CCDC181: variants seen among roughly 807,000 people sequenced by gnomAD.
CCDC181 encodes the protein coiled-coil domain containing 181.
Under a neutral mutation model 58.7 loss-of-function variants are expected in CCDC181, and 35 were observed. The observed-to-expected ratio is 0.60, with a 90% CI of 0.46 to 0.79. The LOEUF (loss-of-function observed/expected upper bound fraction) is 0.79, where lower values mean the gene tolerates loss of function less well. Among genes scored for constraint, CCDC181 ranks in the 30% least tolerant of loss-of-function variants. CCDC181 has a pLI of 0.00. For synonymous variants in CCDC181, 183 were observed against 197.5 expected (o/e 0.93, Z 0.62); for missense variants, 517 against 583.9 (o/e 0.89, Z 1.18).
chr1:169,418,940 C>A (rs1333835566), intron 4 of CCDC181, 73 bp downstream of exon 4: 6 of 1,251,836 alleles, frequency 4.8e-6, no homozygotes, highest in Non-Finnish European at 5.8e-6. Flanking sequence ...AGTCTGATAT[C>A]CAGACTCCCT....
At position 169,397,937 on chromosome 1, in the gene CCDC181, G is replaced by T. The variant is rs1404181047; in HGVS notation, c.1216-546C>A. Among the ~76,000 whole-genome samples the T allele has an allele frequency of 2.0e-5, 3 of 152,132 alleles. No homozygotes were observed. In the East Asian group the frequency reaches 5.8e-4, roughly 29 times the overall value. On this transcript the variant is annotated intron_variant, in intron 4 of 5. Coordinates refer to ENST00000367806, the MANE Select transcript of CCDC181 (RefSeq NM_001300969.2). ...AATACTTCCCCCAAATATAAGCTTTGTGATTGAGCTTATATCTTGCATTTC... is the reference window on the plus strand; with the variant it reads ...AATACTTCCCCCAAATATAAGCTTTTTGATTGAGCTTATATCTTGCATTTC...
chr1:169,458,416 T>A (rs1042215211), intron 2 of CCDC181, among the ~76,000 whole-genome samples: 6 of 152,146 alleles, frequency 3.9e-5, no homozygotes, highest in African/African-American at 1.2e-4. Context: ...TCTGTTTTTT[T>A]AAATGTTTAC....
At chr1:169,436,932 A>C (rs147284566) in intron 2 of CCDC181, among the ~76,000 whole-genome samples, 1 of 152,226 alleles carries the variant, frequency 6.6e-6, no homozygotes, top group East Asian at 1.9e-4. Context: ...TGGAGGAATT[A>C]ATTAGGAGGA....
At chr1:169,418,744 T>C (rs969327321) in intron 4 of CCDC181, 1 of 472,282 alleles carries the variant, frequency 2.1e-6, no homozygotes, top group Non-Finnish European at 3.7e-6. Context: ...CCTGTTTGAA[T>C]AACAAAGTTA....
Position 169,421,511 on chromosome 1 carries a change from T to C in CCDC181, c.920A>G (p.Asn307Ser), listed in dbSNP as rs199621950. 1.7e-5 allele frequency: 28 copies of C among 1,614,098 alleles called. No homozygotes were observed. In the Admixed American group the frequency reaches 3.2e-4, roughly 18 times the overall value. ...NRKTCPSSAV[N>S]SDRSKGNGKS... ...CCCATTCCCTTTACTTCGATCTGAGTTGACAGCAGAGCTTGGACAAGTCTT... is the reference window on the plus strand; with the variant it reads ...CCCATTCCCTTTACTTCGATCTGAGCTGACAGCAGAGCTTGGACAAGTCTT... Residue 307 changes from asparagine (N) to serine (S), a missense_variant, in exon 3 of 6, where the codon AAC (asparagine) becomes AGC (serine). Coordinates refer to ENST00000367806, the MANE Select transcript of CCDC181 (RefSeq NM_001300969.2).
intron 2 of CCDC181, among the ~76,000 whole-genome samples, chr1:169,452,020 A>G (rs1404816156): frequency 2.4e-4 from 37 of 152,084 alleles, no homozygotes; most frequent in Admixed American, 2.4e-3. Flanking sequence ...AGCACTAGAT[A>G]TATATAAATT....
chr1:169,424,244 A>T (rs1346196287), intron 2 of CCDC181, among the ~76,000 whole-genome samples: 2 of 151,952 alleles, frequency 1.3e-5, no homozygotes, highest in Non-Finnish European at 2.9e-5. Flanking sequence ...TCCTTTCTTC[A>T]TCTCTGATAA....
At chr1:169,426,147 C>T (rs1252431561) in intron 1 of CCDC181, among the ~76,000 whole-genome samples, 2 of 151,904 alleles carry the variant, frequency 1.3e-5, no homozygotes, top group East Asian at 1.9e-4. Context: ...AACTTAAAAA[C>T]AAAAAAACAC....
At chr1:169,440,308 G>C (rs1324727088) in intron 2 of CCDC181, among the ~76,000 whole-genome samples, 1 of 152,172 alleles carries the variant, frequency 6.6e-6, no homozygotes, top group African/African-American at 2.4e-5. Flanking sequence ...TAGCAACAAG[G>C]GCAATCCCAG....
chr1:169,448,438 T>G (rs12402774), intron 2 of CCDC181, among the ~76,000 whole-genome samples: 12,841 of 152,180 alleles, frequency 0.084, 739 homozygotes, highest in Admixed American at 0.19. Context: ...TGAGAGATAA[T>G]TTCACTGGAT....
chr1:169,456,244 C>G (rs1657672722), intron 2 of CCDC181, among the ~76,000 whole-genome samples: 1 of 152,150 alleles, frequency 6.6e-6, no homozygotes, highest in African/African-American at 2.4e-5. Flanking sequence ...TCTCACTTAG[C>G]TAATGTGATC....
chr1:169,458,174 TG>T (rs771987288), intron 2 of CCDC181, among the ~76,000 whole-genome samples: 2,761 of 123,082 alleles, frequency 0.022, 50 homozygotes, highest in East Asian at 0.18. Flanking sequence ...AAGTAATTTT[TG>T]TTTTTTTTTT....
At chr1:169,421,245 TA>T (rs1361971974) in intron 3 of CCDC181, 117 bp downstream of exon 3, 2 of 723,534 alleles carry the variant, frequency 2.8e-6, no homozygotes, top group Non-Finnish European at 4.4e-6. Flanking sequence ...TAACAATAGA[TA>T]AATAAAGCAA....
In CCDC181 at chr1:169,441,464, A is replaced by C. The variant is rs1657227132; in HGVS notation, c.-23-16514T>G. 1.3e-5 allele frequency among the ~76,000 whole-genome samples: 2 copies of C among 152,096 alleles called. 1 individual carries two copies. The highest frequency in any genetic ancestry group is 3.9e-4 in the East Asian group (2 of 5,194). On this transcript the variant is annotated intron_variant, in intron 2 of 6. Coordinates refer to the CCDC181 transcript ENST00000545005. The stretch of plus-strand genomic sequence containing the variant: ...TAGGTGAGGAAGGAATGATGAGGGG[A>C]TGTTAATGACATACTTTGCAATTTT...
chr1:169,440,547 A>G (rs1023190947), intron 2 of CCDC181, among the ~76,000 whole-genome samples: 1 of 152,216 alleles, frequency 6.6e-6, no homozygotes, highest in Non-Finnish European at 1.5e-5. Flanking sequence ...TAGAGATGAT[A>G]GCATTTGCCA....
intron 2 of CCDC181, among the ~76,000 whole-genome samples, chr1:169,440,945 A>AAAAAAAAAAAAAAAAAAAAAT: frequency 6.7e-6 from 1 of 148,370 alleles, no homozygotes; most frequent in Non-Finnish European, 1.5e-5. Flanking sequence ...AAAAAAAAAA[A>AAAAAAAAAAAAAAAAAAAAAT]GGCAAGATGA....
intron 4 of CCDC181, among the ~76,000 whole-genome samples, chr1:169,415,780 G>T (rs1368869281): frequency 6.6e-6 from 1 of 152,060 alleles, no homozygotes; most frequent in African/African-American, 2.4e-5. Context: ...AAGAGCCATT[G>T]AACATCCACC....
rs1206412215 is a variant in CCDC181 at position 169,421,583 on chromosome 1, G to A, written c.848C>T (p.Ser283Leu). Residue 283 changes from serine to leucine, a missense_variant, in exon 3 of 6, where the codon TCA (serine) becomes TTA (leucine). Transcript: ENST00000367806. ...TAKIHAVTHSSTGEPLAYIAQ... is the reference protein window; with the variant it reads ...TAKIHAVTHSLTGEPLAYIAQ... ...GATATAAGCCAGCGGCTCTCCTGTT[G>A]ATGAGTGAGTGACAGCATGAATCTT... 3.5e-5 allele frequency: 56 copies of A among 1,614,056 alleles called. No individual in the cohort carries two copies. Among genetic ancestry groups the A allele is most frequent in the Non-Finnish European group, 4.6e-5 (54 of 1,180,028 alleles).
intron 4 of CCDC181, among the ~76,000 whole-genome samples, chr1:169,399,384 T>A (rs1447008633): frequency 3.3e-5 from 5 of 152,218 alleles, no homozygotes; most frequent in Non-Finnish European, 7.3e-5. Context: ...TGTCATGCTT[T>A]AAATGATTAT....
Sources: allele counts gnomAD v4.1 joint callset (sites outside exome capture counted in the v4.1 genomes callset), GRCh38; gene constraint gnomAD v4.1.1; transcripts MANE v1.5; gene names NCBI Gene and HGNC (gene_info 2026-07-23, HGNC 2026-07-21).